The following PDE3B variants were observed in gnomAD, a reference collection of about 807,000 sequenced individuals.
The protein encoded by PDE3B is cGMP-inhibited 3',5'-cyclic phosphodiesterase 3B.
Under a neutral mutation model 116.8 loss-of-function variants are expected in PDE3B, and 66 were observed. That is an observed-to-expected ratio of 0.56 (90% confidence interval 0.46 to 0.69). PDE3B has a LOEUF of 0.69. Ranked by LOEUF, PDE3B falls within the 30% of genes least tolerant of loss-of-function variation. The pLI, the probability that PDE3B is intolerant of heterozygous loss-of-function variation, is 0.00. For missense variants in PDE3B, 1,384 were observed against 1,368.1 expected (o/e 1.01, Z -0.18); for synonymous variants, 595 against 533.6 (o/e 1.12, Z -1.59).
chr11:14,832,611 G>A lies in PDE3B; in HGVS notation c.2095-111G>A, dbSNP rs182372900. The A allele has an allele frequency of 2.1e-3, 991 of 461,496 alleles. 6 individuals carry two copies. The highest frequency in any genetic ancestry group is 0.016 in the African/African-American group (792 of 48,874). 28.6% of individuals were successfully genotyped at this position (461,496 alleles called of 1,614,324 possible). A position where few individuals can be genotyped will look rare whatever the true frequency, so the allele number is the denominator to read the frequency against. The stretch of plus-strand genomic sequence containing the variant: ...AAGTTTTAAATAAATTATTAAAGAC[G>A]TATATTAATACATGGTTAACATTCC... On this transcript the variant is annotated intron_variant, in intron 9 of 15. Coordinates refer to ENST00000282096, the MANE Select transcript of PDE3B (RefSeq NM_000922.4).
chr11:14,689,161 A>G (rs1854977494), intron 1 of PDE3B, among the ~76,000 whole-genome samples: 1 of 152,206 alleles, frequency 6.6e-6, no homozygotes, highest in South Asian at 2.1e-4. Context: ...ATTGTGCTTT[A>G]GTTTTCTGAA....
At chr11:14,831,840 C>A in intron 9 of PDE3B, 63 bp downstream of exon 9, 1 of 1,216,272 alleles carries the variant, frequency 8.2e-7, no homozygotes, top group Non-Finnish European at 1.2e-6. Flanking sequence ...TTATAAAAAG[C>A]AAAATCTAAT....
chr11:14,718,541 T>A (rs943050026), intron 1 of PDE3B, among the ~76,000 whole-genome samples: 1 of 148,960 alleles, frequency 6.7e-6, no homozygotes, highest in African/African-American at 2.5e-5. Flanking sequence ...CCTCAGCAAA[T>A]GTAAAAGAAC....
chr11:14,804,817 G>C (rs1700265654), intron 5 of PDE3B, among the ~76,000 whole-genome samples: 1 of 152,076 alleles, frequency 6.6e-6, no homozygotes, highest in African/African-American at 2.4e-5. Context: ...ACTTCGAATA[G>C]AGAACTAGAA....
intron 12 of PDE3B, among the ~76,000 whole-genome samples, chr11:14,851,864 T>G (rs1847760818): frequency 6.6e-6 from 1 of 152,212 alleles, no homozygotes; most frequent in African/African-American, 2.4e-5. Context: ...CTTAGATTTC[T>G]GATTGCCCAC....
chr11:14,810,132 T>C (rs979513377), intron 5 of PDE3B, among the ~76,000 whole-genome samples: 1 of 148,792 alleles, frequency 6.7e-6, no homozygotes, highest in African/African-American at 2.5e-5. Flanking sequence ...TATTTTCTAA[T>C]AATAAAACCA....
intron 1 of PDE3B, among the ~76,000 whole-genome samples, chr11:14,757,159 T>A (rs1426118771): frequency 3.3e-5 from 5 of 152,046 alleles, no homozygotes; most frequent in Non-Finnish European, 7.4e-5. Context: ...TGCATAGTAC[T>A]CCATGGTGTA....
the PDE3B span, among the ~76,000 whole-genome samples, chr11:14,893,300 C>T: frequency 3.3e-5 from 5 of 152,214 alleles, no homozygotes; most frequent in Admixed American, 6.5e-5. Context: ...TTATAGAAAA[C>T]GCCTGGTGGT....
chr11:14,727,135 A>G lies in PDE3B; in HGVS notation c.979-44802A>G, dbSNP rs538763107. Among the ~76,000 whole-genome samples, 13 of 152,190 alleles carry G rather than the reference A, an allele frequency of 8.5e-5. No individual in the cohort carries two copies. In the South Asian group the frequency reaches 2.7e-3, roughly 32 times the overall value. On this transcript the variant is annotated intron_variant, in intron 1 of 15. Transcript: ENST00000282096. ...CATTAGAGTCCTTGGTAAATGATTCACATTTCTTTTTGTTATAACTCTTCA... is the reference window on the plus strand; with the variant it reads ...CATTAGAGTCCTTGGTAAATGATTCGCATTTCTTTTTGTTATAACTCTTCA...
intron 1 of PDE3B, among the ~76,000 whole-genome samples, chr11:14,657,401 A>G (rs748400802): frequency 2.5e-4 from 38 of 152,200 alleles, no homozygotes; most frequent in Non-Finnish European, 4.4e-4. Flanking sequence ...TACTGCTTCA[A>G]TGTAACACTT....
At chr11:14,864,594 A>T (rs1173297348) in intron 14 of PDE3B, among the ~76,000 whole-genome samples, 1 of 152,160 alleles carries the variant, frequency 6.6e-6, no homozygotes, top group East Asian at 1.9e-4. Flanking sequence ...GAAATCATAA[A>T]CAGTCTCTCA....
At chr11:14,690,115 A>G (rs753018416) in intron 1 of PDE3B, among the ~76,000 whole-genome samples, 1 of 152,196 alleles carries the variant, frequency 6.6e-6, no homozygotes, top group Non-Finnish European at 1.5e-5. Flanking sequence ...ATGGAAGGCT[A>G]GAGATCACCT....
chr11:14,779,391 G>C (rs1857897558), intron 2 of PDE3B, among the ~76,000 whole-genome samples: 1 of 152,124 alleles, frequency 6.6e-6, no homozygotes, highest in Admixed American at 6.5e-5. Context: ...TTGAAATAAA[G>C]GAAAAAATGT....
chr11:14,894,231 A>G, the PDE3B span, among the ~76,000 whole-genome samples: 1 of 152,252 alleles, frequency 6.6e-6, no homozygotes, highest in African/African-American at 2.4e-5. Flanking sequence ...ATCTAATAAA[A>G]TGAAAAAATA....
At chr11:14,655,073 A>G (rs1853676236) in intron 1 of PDE3B, among the ~76,000 whole-genome samples, 1 of 152,190 alleles carries the variant, frequency 6.6e-6, no homozygotes, top group Non-Finnish European at 1.5e-5. Context: ...TTGTTAAAAG[A>G]ATATAAAGAT....
At chr11:14,820,194 CA>C (rs1049210464) in intron 7 of PDE3B, among the ~76,000 whole-genome samples, 8 of 148,438 alleles carry the variant, frequency 5.4e-5, no homozygotes, top group African/African-American at 2.0e-4. Flanking sequence ...CAAACTCTTC[CA>C]AAAAATAGAA....
chr11:14,885,680 T>TA, the PDE3B span: 1 of 1,288,308 alleles, frequency 7.8e-7, no homozygotes, highest in Non-Finnish European at 1.1e-6. Context: ...TATTAATCAG[T>TA]ATAAAATAAT....
At chr11:14,811,265 A>T (rs1219793729) in intron 5 of PDE3B, among the ~76,000 whole-genome samples, 55 of 152,068 alleles carry the variant, frequency 3.6e-4, no homozygotes, top group Non-Finnish European at 6.0e-4. Flanking sequence ...CTGAATGGTA[A>T]TGCCTAGGTT....
rs571503139 is a variant in PDE3B, at chr11:14,757,125, C to T, written c.979-14812C>T. ...GTATCATCCATGTCCCTACAAAGGA[C>T]ACGAACTCATCATTTTTTATGGCTG... is the stretch of plus-strand genomic sequence containing the variant. On this transcript the variant is annotated intron_variant, in intron 1 of 15. Coordinates refer to ENST00000282096, the MANE Select transcript of PDE3B (RefSeq NM_000922.4). Among the ~76,000 whole-genome samples the T allele has an allele frequency of 4.5e-4, 69 of 152,192 alleles. No individual in the cohort carries two copies. The East Asian group carries it at 0.012, about 27-fold the overall frequency.
Sources: gnomAD v4.1 joint callset for allele counts (sites outside exome capture counted in the v4.1 genomes callset) on GRCh38, gnomAD v4.1.1 for gene constraint, MANE v1.5 for transcripts, NCBI Gene and HGNC (gene_info 2026-07-23, HGNC 2026-07-21) for gene names.